The following EDEM1 variants were observed in gnomAD, a reference collection of about 807,000 sequenced individuals.
EDEM1 encodes the protein ER degradation enhancing alpha-mannosidase like protein 1.
A neutral mutation model predicts 74.4 loss-of-function variants in EDEM1; 67 were observed. That is an observed-to-expected ratio of 0.90 (90% CI 0.74 to 1.10). The LOEUF (loss-of-function observed/expected upper bound fraction) is 1.10. EDEM1 is among the 50% of genes least tolerant of loss of function. EDEM1 has a pLI of 0.00. For missense variants in EDEM1, 926 were observed against 851.6 expected (o/e 1.09, Z -1.09); for synonymous variants, 382 against 335.9 (o/e 1.14, Z -1.50).
Position 5,205,066 on chromosome 3 carries a change from G to A in EDEM1, c.1043-1G>A, listed in dbSNP as rs1208349176. On this transcript the variant is annotated splice_acceptor_variant, in intron 5 of 11. Coordinates refer to ENST00000256497, the MANE Select transcript of EDEM1 (RefSeq NM_014674.3). LOFTEE classifies it high-confidence loss of function. ...CTCAAGTGCCTTGTTTATTTTTGCAGGCAATGTCGTGAACATTCAGACGGG... is the reference window on the plus strand; with the variant it reads ...CTCAAGTGCCTTGTTTATTTTTGCAAGCAATGTCGTGAACATTCAGACGGG... 1 of 1,613,166 alleles carries A rather than the reference G, an allele frequency of 6.2e-7. No homozygotes were observed. The highest frequency in any genetic ancestry group is 1.7e-5 in the Admixed American group (1 of 59,704).
chr3:5,206,457 C>T (rs1310617906), intron 6 of EDEM1, among the ~76,000 whole-genome samples: 2 of 152,058 alleles, frequency 1.3e-5, no homozygotes, highest in East Asian at 1.9e-4. Context: ...CCACCCGCCT[C>T]GGCCTCCCAA....
Position 5,218,431 on chromosome 3 carries a change from C to G in EDEM1, c.*2513C>G, listed in dbSNP as rs1296109997. On this transcript the variant is annotated 3_prime_UTR_variant, in exon 12 of 12. Transcript: ENST00000256497. ...CAGGGCTTTTGCAGTTTCTTCTGTT[C>G]TGTGTTCTGAAATACTGGGTAGAGA... The G allele has an allele frequency of 6.8e-6, 1 of 146,978 alleles. No individual in the cohort carries two copies. 9.1% of individuals were successfully genotyped at this position (146,978 alleles called of 1,614,324 possible).
intron 1 of EDEM1, among the ~76,000 whole-genome samples, chr3:5,189,862 G>C (rs969589996): frequency 2.6e-5 from 4 of 152,264 alleles, no homozygotes; most frequent in African/African-American, 9.6e-5. Flanking sequence ...GCCTCCCAAA[G>C]TGCTGGGATT....
chr3:5,203,111 C>T lies in EDEM1; in HGVS notation c.1004C>T (p.Ala335Val). 2.5e-6 allele frequency: 4 copies of T among 1,605,212 alleles called. No individual in the cohort carries two copies. Among genetic ancestry groups the T allele is most frequent in the East Asian group, 4.5e-5 (2 of 44,746 alleles). The part of the protein sequence containing the change: ...FEWVARRAVK[A>V]LWNLRSNDTG... ...TGGGTGGCCAGACGAGCAGTGAAAG[C>T]CCTTTGGAACCTCCGGAGCAATGAT... Residue 335 changes from alanine (A) to valine (V), a missense_variant, in exon 5 of 12, where the codon GCC (alanine) becomes GTC (valine). Ala to Val is a moderately conservative substitution (Grantham distance 64). Transcript: ENST00000256497.
intron 1 of EDEM1, among the ~76,000 whole-genome samples, chr3:5,188,842 A>T (rs2054864593): frequency 6.6e-6 from 1 of 152,162 alleles, no homozygotes; most frequent in Non-Finnish European, 1.5e-5. Context: ...TTGAGGCAGA[A>T]CGGGGTTACA....
rs535849697 is a variant in EDEM1, at chr3:5,218,381, A to G, written c.*2463A>G. 1 of 149,778 alleles carries G rather than the reference A, an allele frequency of 6.7e-6. No individual in the cohort carries two copies. Among genetic ancestry groups the G allele is most frequent in the South Asian group, 2.1e-4 (1 of 4,748 alleles). 9.3% of individuals were successfully genotyped at this position (149,778 alleles called of 1,614,324 possible). ...TTTTTTTTTTTTTTTTAAAGTCAGA[A>G]TGTTAACAGCTGTGATATATCCTGC... On this transcript the variant is annotated 3_prime_UTR_variant, in exon 12 of 12. Transcript: ENST00000256497.
intron 1 of EDEM1, among the ~76,000 whole-genome samples, chr3:5,193,754 C>T (rs1406684533): frequency 2.0e-5 from 3 of 152,142 alleles, no homozygotes; most frequent in Non-Finnish European, 4.4e-5. Flanking sequence ...CCTGCCACCA[C>T]GCCCAGCTAA....
In EDEM1 at chr3:5,203,109, A is replaced by C; in HGVS notation, c.1002A>C (p.Lys334Asn). 6.2e-7 allele frequency: 1 copy of C among 1,607,362 alleles called. No homozygotes were observed. The highest frequency in any genetic ancestry group is 8.5e-7 in the Non-Finnish European group (1 of 1,177,006). ...TFEWVARRAV[K>N]ALWNLRSNDT... ...AGTGGGTGGCCAGACGAGCAGTGAA[A>C]GCCCTTTGGAACCTCCGGAGCAATG... Residue 334 changes from lysine (K) to asparagine (N), a missense_variant, in exon 5 of 12, where the codon AAA becomes AAC. Lys to Asn is a moderately conservative substitution (Grantham distance 94). Coordinates refer to ENST00000256497, the MANE Select transcript of EDEM1 (RefSeq NM_014674.3).
chr3:5,207,297 A>G (rs776180713), intron 7 of EDEM1, 24 bp downstream of exon 7: 12 of 1,612,532 alleles, frequency 7.4e-6, no homozygotes, highest in Admixed American at 1.7e-5. Context: ...AGATTTCCTA[A>G]GAATAACCAA....
rs2055253329 is a variant in EDEM1, at chr3:5,217,451, A to G, written c.*1533A>G. Reference sequence around the variant, plus strand: ...CTAAGGATTTCATGTACATCTTTTCAAAGCTAGAAATAAGCACTGTCTAAG... The same window carrying G: ...CTAAGGATTTCATGTACATCTTTTCGAAGCTAGAAATAAGCACTGTCTAAG... On this transcript the variant is annotated 3_prime_UTR_variant, in exon 12 of 12. Transcript: ENST00000256497. 1.3e-5 allele frequency: 2 copies of G among 152,638 alleles called. No homozygotes were observed. Among genetic ancestry groups the G allele is most frequent in the South Asian group, 4.1e-4 (2 of 4,830 alleles). The allele number at this position is 152,638 out of a possible 1,614,324, so 9.5% of individuals were successfully genotyped here.
In EDEM1 at chr3:5,187,815, C is replaced by T; in HGVS notation, c.10C>T (p.Arg4Ter). 2 of 1,580,962 alleles carry T rather than the reference C, an allele frequency of 1.3e-6. No homozygotes were observed. Among genetic ancestry groups the T allele is most frequent in the Middle Eastern group, 1.9e-4 (1 of 5,150 alleles). The change falls in exon 1 of 12, where the codon CGA (arginine) becomes TGA (stop). Residue 4 changes from arginine (R) to a stop codon, truncating the protein, a stop_gained. Transcript: ENST00000256497. LOFTEE classifies it high-confidence loss of function. The part of the protein sequence containing the change: MQW[R>*]ALVLGLVLLR... ...CGGCGCCCGCGCGACCATGCAATGG[C>T]GAGCGCTCGTCCTGGGGCTGGTGCT... is the stretch of plus-strand genomic sequence containing the variant.
In EDEM1 at chr3:5,218,952, T is replaced by TA. The variant is rs1198869492; in HGVS notation, c.*3037dup. The TA allele has an allele frequency of 6.6e-6, 1 of 152,160 alleles. No individual in the cohort carries two copies. Among genetic ancestry groups the TA allele is most frequent in the Non-Finnish European group, 1.5e-5 (1 of 68,020 alleles). 9.4% of individuals were successfully genotyped at this position (152,160 alleles called of 1,614,324 possible). On this transcript the variant is annotated 3_prime_UTR_variant, in exon 12 of 12. Coordinates refer to ENST00000256497, the MANE Select transcript of EDEM1 (RefSeq NM_014674.3). ...GATCATGGACTGTGCACGTGACACT[T>TA]AAATAATTTTCTATGTATTTAAAGA...
In EDEM1 at chr3:5,207,293, C is replaced by G. The variant is rs900422087; in HGVS notation, c.1338+20C>G. Reference sequence around the variant, plus strand: ...CTGCAGGTATTTTGCCATCAGATTTCCTAAGAATAACCAATCACCAGAAAG... The same window carrying G: ...CTGCAGGTATTTTGCCATCAGATTTGCTAAGAATAACCAATCACCAGAAAG... On this transcript the variant is annotated intron_variant, in intron 7 of 11. Coordinates refer to ENST00000256497, the MANE Select transcript of EDEM1 (RefSeq NM_014674.3). The G allele has an allele frequency of 1.9e-6, 3 of 1,613,104 alleles. No homozygotes were observed. The Admixed American group carries it at 5.0e-5, about 27-fold the overall frequency.
At position 5,188,173 on chromosome 3, in the gene EDEM1, C is replaced by T. The variant is rs751767984; in HGVS notation, c.368C>T (p.Pro123Leu). Reference sequence around the variant, plus strand: ...GAGAAGCGCTACAGCGGCGCCTTCCCTCCGCAGCTGCGTGCCCAGATGCGC... The same window carrying T: ...GAGAAGCGCTACAGCGGCGCCTTCCTTCCGCAGCTGCGTGCCCAGATGCGC... ...EYEKRYSGAF[P>L]PQLRAQMRDL... The change falls in exon 1 of 12, where the codon CCT (proline) becomes CTT (leucine). Residue 123 changes from proline (P) to leucine (L), a missense_variant. Coordinates refer to ENST00000256497, the MANE Select transcript of EDEM1 (RefSeq NM_014674.3). 1.9e-6 allele frequency: 3 copies of T among 1,560,016 alleles called. No homozygotes were observed. The highest frequency in any genetic ancestry group is 1.7e-6 in the Non-Finnish European group (2 of 1,154,540).
chr3:5,189,298 A>G (rs756239251), intron 1 of EDEM1: 2 of 152,228 alleles, frequency 1.3e-5, no homozygotes, highest in Non-Finnish European at 2.9e-5. Flanking sequence ...CCTGGAGGAA[A>G]GCAGTGGAGT....
At chr3:5,210,472 A>T (rs1305128846) in intron 9 of EDEM1, among the ~76,000 whole-genome samples, 1 of 152,170 alleles carries the variant, frequency 6.6e-6, no homozygotes, top group Non-Finnish European at 1.5e-5. Context: ...TGTTCATTCT[A>T]ACTTCTTTCC....
intron 2 of EDEM1, among the ~76,000 whole-genome samples, chr3:5,199,386 A>G (rs573946338): frequency 2.6e-5 from 4 of 152,324 alleles, no homozygotes; most frequent in African/African-American, 4.8e-5. Flanking sequence ...TCCTTTGGAG[A>G]CAGGACTCTT....
intron 6 of EDEM1, among the ~76,000 whole-genome samples, chr3:5,206,739 C>G (rs1200685924): frequency 6.6e-6 from 1 of 152,208 alleles, no homozygotes; most frequent in East Asian, 1.9e-4. Context: ...TGCTCTGATG[C>G]ATTTCTCCAG....
rs1427469232 is a variant in EDEM1, at chr3:5,203,150, G to T, written c.1042+1G>T. On this transcript the variant is annotated splice_donor_variant, in intron 5 of 11. Coordinates refer to ENST00000256497, the MANE Select transcript of EDEM1 (RefSeq NM_014674.3). LOFTEE classifies it high-confidence loss of function. ...CGGAGCAATGATACAGGATTACTAGGTGTGGCACCTTTCCTCGCCATTGGG... is the reference window on the plus strand; with the variant it reads ...CGGAGCAATGATACAGGATTACTAGTTGTGGCACCTTTCCTCGCCATTGGG... 1 of 1,558,962 alleles carries T rather than the reference G, an allele frequency of 6.4e-7. No individual in the cohort carries two copies. Among genetic ancestry groups the T allele is most frequent in the East Asian group, 2.3e-5 (1 of 43,762 alleles).
Sources: gnomAD v4.1 joint callset for allele counts (sites outside exome capture counted in the v4.1 genomes callset) on GRCh38, gnomAD v4.1.1 for gene constraint, MANE v1.5 for transcripts, NCBI Gene and HGNC (gene_info 2026-07-23, HGNC 2026-07-21) for gene names.